NKAP: variants seen among roughly 807,000 people sequenced by gnomAD.
The protein encoded by NKAP is NFKB activating protein, also known as NF-kappa-B-activating protein.
NKAP carries 4 observed loss-of-function variants against 35.6 expected under a neutral mutation model. That is an observed-to-expected ratio of 0.11 (90% CI 0.06 to 0.26). The LOEUF is 0.26. Ranked by LOEUF, NKAP falls within the 10% of genes least tolerant of loss-of-function variation. The probability of loss-of-function intolerance (pLI) is 1.00; values close to 1 mark genes in which losing one functional copy is unlikely to be tolerated. For synonymous variants in NKAP, 106 were observed against 119.2 expected, an observed-to-expected ratio of 0.89 and a Z score of 0.72; for missense variants, 238 against 321.9, an observed-to-expected ratio of 0.74 and a Z score of 1.99.
At chrX:119,926,112 G>A (rs1327778922) in intron 8 of NKAP, among the ~76,000 whole-genome samples, 1 of 99,879 alleles carries the variant, frequency 1.0e-5, no homozygotes, top group African/African-American at 3.7e-5. Flanking sequence ...GCCCGCCACC[G>A]CGCCCGGCTA....
At position 119,936,440 on chromosome X, in the gene NKAP, G is replaced by A. The variant is rs757473263; in HGVS notation, c.539-9C>T. The A allele has an allele frequency of 9.0e-7, 1 of 1,111,934 alleles. No homozygotes were observed. The highest frequency in any genetic ancestry group is 2.1e-5 in the South Asian group (1 of 48,552). 91.6% of individuals were successfully genotyped at this position (1,111,934 alleles called of 1,213,427 possible). A position where few individuals can be genotyped will look rare whatever the true frequency, so the allele number is the denominator to read the frequency against. On this transcript the variant is annotated splice_polypyrimidine_tract_variant and intron_variant, in intron 3 of 8. Coordinates refer to ENST00000371410, the MANE Select transcript of NKAP (RefSeq NM_024528.4). Reference sequence around the variant, plus strand: ...CTTCTTCTTTTTTTCTTCTAAGAAAGTACAAATTAAAAAATTATATTCTAA... The same window carrying A: ...CTTCTTCTTTTTTTCTTCTAAGAAAATACAAATTAAAAAATTATATTCTAA...
At chrX:119,934,611 G>A (rs1003320453) in intron 4 of NKAP, 54 bp from the exon 5 acceptor site, 14 of 878,447 alleles carry the variant, frequency 1.6e-5, no homozygotes, top group African/African-American at 1.5e-4. Context: ...CTCTAAAACC[G>A]TAGTACTTTT....
At position 119,920,899 on chromosome X, in the gene NKAP, C is replaced by A. The variant is rs777591634; in HGVS notation, c.*4321G>T. On this transcript the variant is annotated 3_prime_UTR_variant, in exon 9 of 9. Coordinates refer to ENST00000371410, the MANE Select transcript of NKAP (RefSeq NM_024528.4). ...AGTTGCTAAAATTCACCTATTGGAC[C>A]AAACTAAGGTTGGTACTTGGCTGTT... is the stretch of plus-strand genomic sequence containing the variant. 19 of 146,706 alleles carry A rather than the reference C, an allele frequency of 1.3e-4. No individual in the cohort carries two copies. The highest frequency in any genetic ancestry group is 2.3e-4 in the Non-Finnish European group (17 of 75,502). 12.1% of individuals were successfully genotyped at this position (146,706 alleles called of 1,213,427 possible).
rs747414100 is a variant in NKAP at position 119,931,894 on chromosome X, T to G, written c.923+42A>C. The G allele has an allele frequency of 5.7e-6, 6 of 1,045,749 alleles. No individual in the cohort carries two copies. The Admixed American group carries it at 1.6e-4, about 28-fold the overall frequency. 86.2% of individuals were successfully genotyped at this position (1,045,749 alleles called of 1,213,427 possible). Reference sequence around the variant, plus strand: ...GGCAAGGTAAGTTAGAACCAGACTTTTTGGTAGGTACTTTAGATATTATAA... The same window carrying G: ...GGCAAGGTAAGTTAGAACCAGACTTGTTGGTAGGTACTTTAGATATTATAA... On this transcript the variant is annotated intron_variant, in intron 7 of 8. Coordinates refer to ENST00000371410, the MANE Select transcript of NKAP (RefSeq NM_024528.4).
chrX:119,928,627 G>A (rs1349432276), intron 8 of NKAP, among the ~76,000 whole-genome samples: 2 of 111,695 alleles, frequency 1.8e-5, no homozygotes, highest in South Asian at 3.7e-4. Context: ...GCAATGGCAC[G>A]ATCTTGGCTC....
chrX:119,938,243 T>C (rs931953448), intron 2 of NKAP, among the ~76,000 whole-genome samples: 2 of 110,477 alleles, frequency 1.8e-5, no homozygotes, highest in Non-Finnish European at 3.8e-5. Context: ...TAGCCGGGCA[T>C]GGTGGCAGGC....
intron 5 of NKAP, chrX:119,932,437 G>A (rs948874674): frequency 3.6e-6 from 1 of 277,435 alleles, no homozygotes; most frequent in Non-Finnish European, 6.1e-6. Flanking sequence ...GGGAAACAGA[G>A]CAAGACCCCG....
chrX:119,928,877 A>G (rs1422218986), intron 8 of NKAP, among the ~76,000 whole-genome samples: 1 of 107,498 alleles, frequency 9.3e-6, no homozygotes, highest in Non-Finnish European at 1.9e-5. Context: ...TGACATTGTT[A>G]TATCGCCCTT....
chrX:119,926,398 C>G (rs1022872351), intron 8 of NKAP, among the ~76,000 whole-genome samples: 22 of 110,209 alleles, frequency 2.0e-4, no homozygotes, highest in Non-Finnish European at 4.0e-4. Context: ...TCCCGAGTAG[C>G]CGGGAGTACA....
chrX:119,938,866 T>C lies in NKAP; in HGVS notation c.387-56A>G, dbSNP rs1370573696. On this transcript the variant is annotated intron_variant, in intron 1 of 8. Transcript: ENST00000371410. ...CAATGGCTGAGTTGTTTCCTAAATATATAATCAAATTCAATAGGAGTCTAG... is the reference window on the plus strand; with the variant it reads ...CAATGGCTGAGTTGTTTCCTAAATACATAATCAAATTCAATAGGAGTCTAG... The C allele has an allele frequency of 5.7e-6, 5 of 872,806 alleles. No individual in the cohort carries two copies. In the African/African-American group the frequency reaches 1.0e-4, roughly 18 times the overall value. The allele number at this position is 872,806 out of a possible 1,213,427, so 71.9% of individuals were successfully genotyped here.
intron 8 of NKAP, among the ~76,000 whole-genome samples, chrX:119,928,440 T>C (rs1189204756): frequency 8.9e-6 from 1 of 112,471 alleles, no homozygotes; most frequent in Non-Finnish European, 1.9e-5. Context: ...ATGCAATGGA[T>C]TTTTGTGTAC....
Position 119,922,395 on chromosome X carries a change from T to C in NKAP, c.*2825A>G, listed in dbSNP as rs1191942544. On this transcript the variant is annotated 3_prime_UTR_variant, in exon 9 of 9. Coordinates refer to ENST00000371410, the MANE Select transcript of NKAP (RefSeq NM_024528.4). Reference sequence around the variant, plus strand: ...TTAAAAGTAGACATTTCCTGGAACATATATTTAATAGTATTTAAGACTGTT... The same window carrying C: ...TTAAAAGTAGACATTTCCTGGAACACATATTTAATAGTATTTAAGACTGTT... The C allele has an allele frequency of 8.9e-6, 1 of 112,200 alleles. No individual in the cohort carries two copies. The highest frequency in any genetic ancestry group is 3.2e-5 in the African/African-American group (1 of 30,969). The allele number at this position is 112,200 out of a possible 1,213,427, so 9.2% of individuals were successfully genotyped here.
At chrX:119,939,626 C>T (rs1253297347) in intron 1 of NKAP, among the ~76,000 whole-genome samples, 1 of 109,109 alleles carries the variant, frequency 9.2e-6, no homozygotes, top group African/African-American at 3.3e-5. Flanking sequence ...CCGCCAGGTG[C>T]GGTGGCACAT....
chrX:119,922,976 T>A lies in NKAP; in HGVS notation c.*2244A>T, dbSNP rs2056694166. On this transcript the variant is annotated 3_prime_UTR_variant, in exon 9 of 9. Coordinates refer to ENST00000371410, the MANE Select transcript of NKAP (RefSeq NM_024528.4). ...CTGTAATCCCAGCATTTCAGGAGGC[T>A]GAGGCGGGCAGATCACTTGAGGTCA... is the stretch of plus-strand genomic sequence containing the variant. The A allele has an allele frequency of 9.0e-6, 1 of 110,901 alleles. No individual in the cohort carries two copies. The allele number at this position is 110,901 out of a possible 1,213,427, so 9.1% of individuals were successfully genotyped here.
chrX:119,943,064 A>G (rs927949079), intron 1 of NKAP, 156 bp downstream of exon 1: 3 of 697,872 alleles, frequency 4.3e-6, no homozygotes, highest in African/African-American at 4.3e-5. Context: ...AAGGACGAAT[A>G]AAGGGTTGTC....
rs1375830328 is a variant in NKAP, at chrX:119,943,513, G to C, written c.93C>G (p.Ser31Arg). 1 of 1,211,608 alleles carries C rather than the reference G, an allele frequency of 8.3e-7. No individual in the cohort carries two copies. The highest frequency in any genetic ancestry group is 2.2e-5 in the Admixed American group (1 of 46,132). ...GGCCCCGCGGGGAGCGGGCAGATTT[G>C]CTGGGCTTCGGACTCTTCGACGAAC... is the stretch of plus-strand genomic sequence containing the variant. The part of the protein sequence containing the change: ...RRSSSKSPKP[S>R]KSARSPRGRR... Residue 31 changes from serine to arginine, a missense_variant, in exon 1 of 9, where the codon AGC (serine) becomes AGG (arginine). By Grantham distance (110) the Ser-to-Arg change is moderately radical. Around this residue, in one of 5 missense-constraint regions of NKAP, gnomAD observed 123 missense variants for 115.3 expected, o/e 1.07. Transcript: ENST00000371410.
In NKAP at chrX:119,922,483, T is replaced by C. The variant is rs986878491; in HGVS notation, c.*2737A>G. The C allele has an allele frequency of 3.6e-5, 4 of 111,860 alleles. No individual in the cohort carries two copies. The highest frequency in any genetic ancestry group is 7.5e-5 in the Non-Finnish European group (4 of 53,158). The allele number at this position is 111,860 out of a possible 1,213,427, so 9.2% of individuals were successfully genotyped here. A position where few individuals can be genotyped will look rare whatever the true frequency, so the allele number is the denominator to read the frequency against. On this transcript the variant is annotated 3_prime_UTR_variant, in exon 9 of 9. Transcript: ENST00000371410. ...TGGCTCACGCCTATAATCCTAGCAC[T>C]TTGGGAGGCCGAGGCGGGCGGATTG... is the stretch of plus-strand genomic sequence containing the variant.
chrX:119,931,490 A>T (rs1476927956), intron 7 of NKAP, among the ~76,000 whole-genome samples: 5 of 111,538 alleles, frequency 4.5e-5, no homozygotes, highest in African/African-American at 1.6e-4. Flanking sequence ...TGGGCAACAG[A>T]GCGAGACTCC....
intron 8 of NKAP, among the ~76,000 whole-genome samples, chrX:119,929,797 G>C (rs2056731943): frequency 8.9e-6 from 1 of 112,189 alleles, no homozygotes; most frequent in Non-Finnish European, 1.9e-5. Flanking sequence ...ATTCTTTGAA[G>C]TCAGAGATAT....
Sources: gnomAD v4.1 joint callset for allele counts (sites outside exome capture counted in the v4.1 genomes callset) on GRCh38, gnomAD v4.1.1 for gene constraint, gnomAD v4.1.1 regional missense constraint, MANE v1.5 for transcripts, NCBI Gene and HGNC (gene_info 2026-07-23, HGNC 2026-07-21) for gene names.